FGD5: variants seen among roughly 807,000 people sequenced by gnomAD.
The protein encoded by FGD5 is FYVE, RhoGEF and PH domain containing 5.
FGD5 carries 28 observed loss-of-function variants against 133.4 expected under a neutral mutation model. That is an observed-to-expected ratio of 0.21 (90% CI 0.16 to 0.29). The LOEUF is 0.29. Among genes scored for constraint, FGD5 ranks in the 10% least tolerant of loss-of-function variants. FGD5 has a pLI of 1.00. For synonymous variants in FGD5, 810 were observed against 776.5 expected (o/e 1.04, Z -0.72); for missense variants, 1,858 against 1,895.2 (o/e 0.98, Z 0.36).
chr3:14,864,363 A>G, intron 2 of FGD5, 103 bp downstream of exon 2: 2 of 1,563,644 alleles, frequency 1.3e-6, no homozygotes, highest in Admixed American at 1.7e-5. Context: ...AGCTGTTTGC[A>G]GATAGCTGGC....
Position 14,844,217 on chromosome 3 carries a change from AATATATATATAT to A in FGD5, c.2526-19867_2526-19856del, listed in dbSNP as rs869290486. 6.9e-3 allele frequency among the ~76,000 whole-genome samples: 139 copies of A among 20,280 alleles called. 1 individual carries two copies. The highest frequency in any genetic ancestry group is 0.011 in the African/African-American group (52 of 4,804). 13.3% of individuals were successfully genotyped at this position (20,280 alleles called of 152,430 possible). A position where few individuals can be genotyped will look rare whatever the true frequency, so the allele number is the denominator to read the frequency against. ...CTTAATAGGCATTAAAAAAAAAAAAAATATATATATATATATATATATATATATATATATATA... is the reference window on the plus strand; with the variant it reads ...CTTAATAGGCATTAAAAAAAAAAAAAATATATATATATATATATATATATA... On this transcript the variant is annotated intron_variant, in intron 1 of 19. Coordinates refer to ENST00000285046, the MANE Select transcript of FGD5 (RefSeq NM_152536.4).
In FGD5 at chr3:14,910,932, A is replaced by G. The variant is rs1363907585; in HGVS notation, c.3405+3A>G. On this transcript the variant is annotated splice_donor_region_variant and intron_variant, in intron 11 of 19. Coordinates refer to ENST00000285046, the MANE Select transcript of FGD5 (RefSeq NM_152536.4). ...GACGGCCCCGGCACCTATTTCTGGT[A>G]AGTGCCCGGTCCCCAAGCCCAGCTC... 1.9e-6 allele frequency: 3 copies of G among 1,610,842 alleles called. No individual in the cohort carries two copies. Among genetic ancestry groups the G allele is most frequent in the South Asian group, 1.1e-5 (1 of 90,294 alleles).
Position 14,908,415 on chromosome 3 carries a change from C to T in FGD5, c.3336+704C>T, listed in dbSNP as rs570739587. The stretch of plus-strand genomic sequence containing the variant: ...TCCGAGGCTCTGTTCTGAATGGACT[C>T]CTCGTGGGTACAAACCAAGGAGGGA... On this transcript the variant is annotated intron_variant, in intron 10 of 19. Transcript: ENST00000285046. 2.0e-5 allele frequency among the ~76,000 whole-genome samples: 3 copies of T among 152,220 alleles called. No homozygotes were observed. In the South Asian group the frequency reaches 6.2e-4, roughly 32 times the overall value.
At chr3:14,855,866 T>A (rs966805125) in intron 1 of FGD5, among the ~76,000 whole-genome samples, 4 of 152,184 alleles carry the variant, frequency 2.6e-5, no homozygotes, top group African/African-American at 9.6e-5. Context: ...GCTGTACAGA[T>A]GCTTTGTTGT....
chr3:14,826,283 C>T (rs1199834453), intron 1 of FGD5, among the ~76,000 whole-genome samples: 1 of 152,142 alleles, frequency 6.6e-6, no homozygotes, highest in African/African-American at 2.4e-5. Flanking sequence ...CCCTTTCTCC[C>T]TCTCTCCCTC....
chr3:14,872,708 G>A (rs1272675019), intron 2 of FGD5, among the ~76,000 whole-genome samples: 3 of 152,176 alleles, frequency 2.0e-5, no homozygotes, highest in Non-Finnish European at 4.4e-5. Flanking sequence ...ATGAAGCTGG[G>A]GCGGCATGAA....
chr3:14,903,967 G>A (rs1475116362), intron 9 of FGD5, among the ~76,000 whole-genome samples: 2 of 152,154 alleles, frequency 1.3e-5, no homozygotes, highest in South Asian at 2.1e-4. Context: ...ATGGCAGGAC[G>A]CCCTTCTGGT....
intron 1 of FGD5, among the ~76,000 whole-genome samples, chr3:14,848,525 C>G (rs1403691222): frequency 6.6e-6 from 1 of 152,100 alleles, no homozygotes; most frequent in Non-Finnish European, 1.5e-5. Flanking sequence ...CCCATGCAGC[C>G]CTGGAACCCA....
intron 2 of FGD5, among the ~76,000 whole-genome samples, chr3:14,871,352 G>T (rs1054951700): frequency 2.0e-5 from 3 of 152,126 alleles, no homozygotes; most frequent in African/African-American, 7.2e-5. Flanking sequence ...AATACATTAG[G>T]CCCAGTTCCT....
intron 10 of FGD5, among the ~76,000 whole-genome samples, chr3:14,910,424 G>A (rs1009728865): frequency 2.6e-5 from 4 of 152,074 alleles, no homozygotes; most frequent in African/African-American, 9.7e-5. Flanking sequence ...TGAGTGTTTT[G>A]TTTTTTGAGA....
At position 14,891,818 on chromosome 3, in the gene FGD5, G is replaced by A. The variant is rs371365288; in HGVS notation, c.2749-5691G>A. On this transcript the variant is annotated intron_variant, in intron 4 of 19. Transcript: ENST00000285046. Reference sequence around the variant, plus strand: ...GATGTTGGAGGCACAGTGCGAGGGGGTCTCTCAGTCTCTACATCTCACCCT... The same window carrying A: ...GATGTTGGAGGCACAGTGCGAGGGGATCTCTCAGTCTCTACATCTCACCCT... 7.0e-4 allele frequency among the ~76,000 whole-genome samples: 107 copies of A among 152,314 alleles called. 2 individuals carry two copies. The South Asian group carries it at 0.022, about 31-fold the overall frequency.
At position 14,820,222 on chromosome 3, in the gene FGD5, C is replaced by T. The variant is rs374659688; in HGVS notation, c.1151C>T (p.Ala384Val). ...SEQAPKLGLR[A>V]EENPMVGALC... ...CAGGCACCAAAGCTGGGGCTGCGTG[C>T]GGAGGAGAACCCCATGGTGGGGGCT... is the stretch of plus-strand genomic sequence containing the variant. The change falls in exon 1 of 20, where the codon GCG becomes GTG. Residue 384 changes from alanine (A) to valine (V), a missense_variant. Ala to Val is a moderately conservative substitution (Grantham distance 64). Coordinates refer to ENST00000285046, the MANE Select transcript of FGD5 (RefSeq NM_152536.4). 3.5e-5 allele frequency: 57 copies of T among 1,608,220 alleles called. No homozygotes were observed. Among genetic ancestry groups the T allele is most frequent in the South Asian group, 1.1e-4 (10 of 90,264 alleles).
chr3:14,922,640 C>A lies in FGD5; in HGVS notation c.3807+92C>A. ...CAGCCGGGGGCTCAGGGATGTCCAG[C>A]AGCTACTGTAAGCCCCAGAGTGAGG... On this transcript the variant is annotated intron_variant, in intron 15 of 19. Coordinates refer to ENST00000285046, the MANE Select transcript of FGD5 (RefSeq NM_152536.4). The surrounding 1 kb of genome is among the most constrained non-coding windows in gnomAD (Gnocchi z 4.1). The A allele has an allele frequency of 6.7e-7, 1 of 1,483,986 alleles. No individual in the cohort carries two copies. The highest frequency in any genetic ancestry group is 1.3e-5 in the South Asian group (1 of 77,518). 91.9% of individuals were successfully genotyped at this position (1,483,986 alleles called of 1,614,324 possible).
At chr3:14,847,072 C>CT (rs777723751) in intron 1 of FGD5, among the ~76,000 whole-genome samples, 3 of 152,138 alleles carry the variant, frequency 2.0e-5, no homozygotes, top group Non-Finnish European at 4.4e-5. Context: ...CTGGTAAGCA[C>CT]TTGGCCAGGA....
At chr3:14,888,922 G>C (rs1158734152) in intron 4 of FGD5, among the ~76,000 whole-genome samples, 2 of 152,242 alleles carry the variant, frequency 1.3e-5, no homozygotes, top group African/African-American at 2.4e-5. Flanking sequence ...CCCCAGCCAA[G>C]ACCTGCTGAA....
intron 1 of FGD5, among the ~76,000 whole-genome samples, chr3:14,860,807 T>C (rs2037382832): frequency 1.5e-5 from 2 of 136,390 alleles, no homozygotes; most frequent in Non-Finnish European, 3.1e-5. Context: ...GACCCCTTTT[T>C]TAAAAAAAAA....
chr3:14,858,098 G>A (rs2125100009), intron 1 of FGD5, among the ~76,000 whole-genome samples: 1 of 152,230 alleles, frequency 6.6e-6, no homozygotes, highest in Non-Finnish European at 1.5e-5. Flanking sequence ...AAGAGGATAG[G>A]CTCAGAAGAC....
rs34175897 is a variant in FGD5 at position 14,902,432 on chromosome 3, G to A, written c.3264+1371G>A. On this transcript the variant is annotated intron_variant, in intron 9 of 19. Transcript: ENST00000285046. Reference sequence around the variant, plus strand: ...GTTGGACGGTGCATGTTGGAGTTCAGAGAGCCACCTGCTAGGTGGCTAGGC... The same window carrying A: ...GTTGGACGGTGCATGTTGGAGTTCAAAGAGCCACCTGCTAGGTGGCTAGGC... Among the ~76,000 whole-genome samples, 5 of 152,150 alleles carry A rather than the reference G, an allele frequency of 3.3e-5. No individual in the cohort carries two copies. In the East Asian group the frequency reaches 7.7e-4, roughly 23 times the overall value.
At chr3:14,853,959 A>G (rs1338302359) in intron 1 of FGD5, among the ~76,000 whole-genome samples, 4 of 152,070 alleles carry the variant, frequency 2.6e-5, no homozygotes, top group South Asian at 2.1e-4. Context: ...GGGTGGATAC[A>G]GTCCCAGGGA....
Sources: allele counts gnomAD v4.1 joint callset (sites outside exome capture counted in the v4.1 genomes callset), GRCh38; gene constraint gnomAD v4.1.1; non-coding constraint Gnocchi (gnomAD v3.1); transcripts MANE v1.5; gene names NCBI Gene and HGNC (gene_info 2026-07-23, HGNC 2026-07-21).